The following PTPRT variants were observed in gnomAD, a reference collection of about 807,000 sequenced individuals.
PTPRT encodes receptor-type tyrosine-protein phosphatase T.
PTPRT carries 56 observed loss-of-function variants against 176.8 expected under a neutral mutation model. The observed-to-expected ratio is 0.32, with a 90% CI of 0.26 to 0.40. PTPRT has a LOEUF of 0.40. Among genes scored for constraint, PTPRT ranks in the 10% least tolerant of loss-of-function variants. The probability of loss-of-function intolerance (pLI) is 1.00; values close to 1 mark genes in which losing one functional copy is unlikely to be tolerated. For synonymous variants in PTPRT, 783 were observed against 739.0 expected (o/e 1.06, Z -0.96); for missense variants, 1,540 against 1,908.2 (o/e 0.81, Z 3.60).
At chr20:42,889,651 C>T (rs2079159703) in intron 1 of PTPRT, among the ~76,000 whole-genome samples, 1 of 152,190 alleles carries the variant, frequency 6.6e-6, no homozygotes, top group African/African-American at 2.4e-5. Flanking sequence ...GCAATACACA[C>T]AGTTCATGAT....
chr20:42,469,297 A>G (rs954432939), intron 8 of PTPRT, among the ~76,000 whole-genome samples: 17 of 152,154 alleles, frequency 1.1e-4, no homozygotes, highest in Non-Finnish European at 1.6e-4. Context: ...TCCGCCTCCC[A>G]GGTTCAAGCG....
chr20:42,681,921 A>G (rs1193832601), intron 6 of PTPRT, among the ~76,000 whole-genome samples: 2 of 152,214 alleles, frequency 1.3e-5, no homozygotes, highest in Non-Finnish European at 2.9e-5. Flanking sequence ...AATTCATGCA[A>G]AAGAAAAATA....
At chr20:42,537,721 C>T (rs1012711292) in intron 7 of PTPRT, among the ~76,000 whole-genome samples, 8 of 152,168 alleles carry the variant, frequency 5.3e-5, no homozygotes, top group South Asian at 2.1e-4. Flanking sequence ...ACAGGATAGA[C>T]GTGCTCCCTG....
chr20:42,816,755 C>T (rs2077793924), intron 2 of PTPRT, among the ~76,000 whole-genome samples: 1 of 152,192 alleles, frequency 6.6e-6, no homozygotes, highest in Non-Finnish European at 1.5e-5. Flanking sequence ...CCTGTTAAGC[C>T]TGTGGAACTT....
chr20:43,083,345 T>TATATATAAATATAC (rs2011505111), intron 1 of PTPRT, among the ~76,000 whole-genome samples: 1 of 117,378 alleles, frequency 8.5e-6, no homozygotes, highest in African/African-American at 3.1e-5. Context: ...TATATATATA[T>TATATATAAATATAC]ATATATATAT....
chr20:42,091,265 G>C (rs74469324), intron 27 of PTPRT, among the ~76,000 whole-genome samples: 1 of 152,268 alleles, frequency 6.6e-6, no homozygotes, highest in East Asian at 1.9e-4. Context: ...ATGTCCTTGG[G>C]GGGTGCAAGT....
chr20:42,578,211 C>A (rs917733994), intron 7 of PTPRT, among the ~76,000 whole-genome samples: 2 of 152,062 alleles, frequency 1.3e-5, no homozygotes, highest in South Asian at 4.1e-4. Context: ...TGATCCCTGG[C>A]CTTTCTGGAA....
intron 9 of PTPRT, among the ~76,000 whole-genome samples, chr20:42,417,372 A>G (rs1295377908): frequency 6.6e-6 from 1 of 151,854 alleles, no homozygotes; most frequent in Non-Finnish European, 1.5e-5. Flanking sequence ...AACCCTATAT[A>G]TATGTTGTTC....
At chr20:42,460,180 G>T (rs1464009747) in intron 8 of PTPRT, among the ~76,000 whole-genome samples, 1 of 152,120 alleles carries the variant, frequency 6.6e-6, no homozygotes, top group Non-Finnish European at 1.5e-5. Context: ...GGCCTGGCCT[G>T]GAGGTATCAA....
At position 42,077,378 on chromosome 20, in the gene PTPRT, C is replaced by A. The variant is rs1407005001; in HGVS notation, c.*3501G>T. ...AACACAGGTGGAGAAATTTCCTGGG[C>A]TTCTCATTACTTCCTTGCATCTTCC... On this transcript the variant is annotated 3_prime_UTR_variant, in exon 31 of 31. Coordinates refer to ENST00000373187, the MANE Select transcript of PTPRT (RefSeq NM_007050.6). 1 of 213,982 alleles carries A rather than the reference C, an allele frequency of 4.7e-6. No individual in the cohort carries two copies. The highest frequency in any genetic ancestry group is 2.3e-5 in the African/African-American group (1 of 44,234). 13.3% of individuals were successfully genotyped at this position (213,982 alleles called of 1,614,324 possible). A position where few individuals can be genotyped will look rare whatever the true frequency, so the allele number is the denominator to read the frequency against.
intron 1 of PTPRT, among the ~76,000 whole-genome samples, chr20:43,163,003 T>C (rs1316437308): frequency 6.6e-6 from 1 of 152,184 alleles, no homozygotes; most frequent in Non-Finnish European, 1.5e-5. Flanking sequence ...AGGTATCCCT[T>C]GCTGGTGAAT....
chr20:42,998,107 A>T (rs1034733700), intron 1 of PTPRT, among the ~76,000 whole-genome samples: 1 of 152,284 alleles, frequency 6.6e-6, no homozygotes, highest in African/African-American at 2.4e-5. Context: ...TCAAGGGAAA[A>T]GCTACCCCCT....
chr20:42,300,135 G>A (rs2057442120), intron 12 of PTPRT, among the ~76,000 whole-genome samples: 1 of 151,568 alleles, frequency 6.6e-6, no homozygotes, highest in African/African-American at 2.4e-5. Flanking sequence ...GCCGGTGCCT[G>A]TAATCCCAGC....
At chr20:42,068,423 C>T (rs1006471022), downstream of PTPRT, among the ~76,000 whole-genome samples, 5 of 152,216 alleles carry the variant, frequency 3.3e-5, no homozygotes, top group Non-Finnish European at 5.9e-5. Flanking sequence ...CCACTCCCTT[C>T]CTCTCTCTGG....
intron 14 of PTPRT, among the ~76,000 whole-genome samples, chr20:42,239,963 C>T (rs947778668): frequency 2.0e-5 from 3 of 152,164 alleles, no homozygotes; most frequent in African/African-American, 7.2e-5. Flanking sequence ...TGCAAGGCCT[C>T]CATCCTGAGC....
chr20:42,588,763 A>G (rs2073516870), intron 7 of PTPRT, among the ~76,000 whole-genome samples: 1 of 152,188 alleles, frequency 6.6e-6, no homozygotes, highest in Non-Finnish European at 1.5e-5. Context: ...CATGGGTAAT[A>G]AAGACAGTTA....
At chr20:42,768,335 A>G (rs1164945367) in intron 5 of PTPRT, among the ~76,000 whole-genome samples, 3 of 152,024 alleles carry the variant, frequency 2.0e-5, no homozygotes, top group African/African-American at 7.3e-5. Flanking sequence ...TCTCCTCCCC[A>G]GACTGCTTTC....
chr20:42,745,629 A>C (rs1351874542), intron 6 of PTPRT, among the ~76,000 whole-genome samples: 1 of 152,246 alleles, frequency 6.6e-6, no homozygotes, highest in African/African-American at 2.4e-5. Context: ...AAAGGCAATG[A>C]TCTAGAGCAT....
chr20:42,551,770 C>A (rs1219687923), intron 7 of PTPRT, among the ~76,000 whole-genome samples: 1 of 152,168 alleles, frequency 6.6e-6, no homozygotes, highest in Non-Finnish European at 1.5e-5. Flanking sequence ...AACCCTTCAC[C>A]TACCTAGGTT....
Sources: gnomAD v4.1 joint callset for allele counts (sites outside exome capture counted in the v4.1 genomes callset) on GRCh38, gnomAD v4.1.1 for gene constraint, MANE v1.5 for transcripts, NCBI Gene and HGNC (gene_info 2026-07-23, HGNC 2026-07-21) for gene names.